TMEM45B: variants seen among roughly 807,000 people sequenced by gnomAD.
TMEM45B encodes transmembrane protein 45B.
In TMEM45B, 29 loss-of-function variants were observed where a neutral mutation model predicts 27.3. The ratio of observed to expected loss-of-function variants is 1.06; its 90% confidence interval spans 0.79 to 1.45. TMEM45B has a LOEUF of 1.45. Ranked by LOEUF, TMEM45B falls within the 40% of genes most tolerant of loss-of-function variation. The pLI is 0.00. For missense variants in TMEM45B, 348 were observed against 343.9 expected, an observed-to-expected ratio of 1.01 and a Z score of -0.09; for synonymous variants, 143 against 134.7, an observed-to-expected ratio of 1.06 and a Z score of -0.43.
chr11:129,837,016 C>T (rs1329231494), intron 1 of TMEM45B, among the ~76,000 whole-genome samples: 1 of 152,186 alleles, frequency 6.6e-6, no homozygotes, highest in South Asian at 2.1e-4. Flanking sequence ...CCGCAATGTG[C>T]AGGACGGCCC....
intron 5 of TMEM45B, 37 bp from the exon 6 acceptor site, chr11:129,858,535 ATC>A: frequency 6.9e-7 from 1 of 1,456,222 alleles, no homozygotes; most frequent in Non-Finnish European, 9.4e-7. Context: ...GATTAAGGGA[ATC>A]TCTGGCTAAT....
chr11:129,832,620 A>G (rs1046936666), intron 1 of TMEM45B, among the ~76,000 whole-genome samples: 20 of 37,038 alleles, frequency 5.4e-4, no homozygotes, highest in Admixed American at 6.5e-4. Context: ...TTAAAATTGA[A>G]TAGTTGTAAT....
At chr11:129,847,771 C>T (rs1420457390) in intron 1 of TMEM45B, among the ~76,000 whole-genome samples, 1 of 152,112 alleles carries the variant, frequency 6.6e-6, no homozygotes, top group Non-Finnish European at 1.5e-5. Context: ...TGAAAAGTCT[C>T]CCATGTCTAC....
chr11:129,850,325 CG>C (rs1947830831), intron 1 of TMEM45B: 1 of 152,032 alleles, frequency 6.6e-6, no homozygotes, highest in African/African-American at 2.4e-5. Context: ...CCACCGCGCC[CG>C]GCTAATTTTT....
chr11:129,851,437 G>T (rs368164388), intron 1 of TMEM45B, among the ~76,000 whole-genome samples: 1 of 148,340 alleles, frequency 6.7e-6, no homozygotes, highest in Non-Finnish European at 1.5e-5. Flanking sequence ...CCAGCTACTC[G>T]GGAGGCTGAG....
Position 129,832,901 on chromosome 11 carries a change from A to T in TMEM45B, c.-9+17003A>T, listed in dbSNP as rs1199992161. ...CTTTGTAGCTTGTTATACACCTGAG[A>T]GTTATTTTTCGTATTGATTTAGTAA... On this transcript the variant is annotated intron_variant, in intron 1 of 5. Coordinates refer to ENST00000281441, the MANE Select transcript of TMEM45B (RefSeq NM_138788.5). Among the ~76,000 whole-genome samples, 3 of 152,272 alleles carry T rather than the reference A, an allele frequency of 2.0e-5. No homozygotes were observed. The East Asian group carries it at 5.8e-4, about 29-fold the overall frequency.
Position 129,857,449 on chromosome 11 carries a change from T to C in TMEM45B, c.707T>C (p.Leu236Pro), listed in dbSNP as rs1440781555. Residue 236 changes from leucine (L) to proline (P), a missense_variant, in exon 5 of 6, where the codon CTT becomes CCT. Coordinates refer to ENST00000281441, the MANE Select transcript of TMEM45B (RefSeq NM_138788.5). ...ALSIVAVNYS[L>P]VYCLLTRMKR... ...AGCATTGTGGCCGTCAACTATTCTC[T>C]TGTTTACTGGTATGTCTGAGACTTC... 1.2e-6 allele frequency: 2 copies of C among 1,614,096 alleles called. No individual in the cohort carries two copies. Among genetic ancestry groups the C allele is most frequent in the Admixed American group, 1.7e-5 (1 of 60,030 alleles).
At chr11:129,836,396 T>G (rs1426952775) in intron 1 of TMEM45B, among the ~76,000 whole-genome samples, 1 of 152,178 alleles carries the variant, frequency 6.6e-6, no homozygotes, top group Non-Finnish European at 1.5e-5. Context: ...TGATCTGGGT[T>G]AAGACTTTTG....
rs543279454 is a variant in TMEM45B, at chr11:129,859,232, C to A, written c.*547C>A. 1 of 152,244 alleles carries A rather than the reference C, an allele frequency of 6.6e-6. No individual in the cohort carries two copies. The highest frequency in any genetic ancestry group is 1.5e-5 in the Non-Finnish European group (1 of 68,052). 9.4% of individuals were successfully genotyped at this position (152,244 alleles called of 1,614,324 possible). Reference sequence around the variant, plus strand: ...ATTTTAAAATTATTGTTAAACATATCATAACTAATCATACCAGGGTACTGC... The same window carrying A: ...ATTTTAAAATTATTGTTAAACATATAATAACTAATCATACCAGGGTACTGC... On this transcript the variant is annotated 3_prime_UTR_variant, in exon 6 of 6. Transcript: ENST00000281441.
At chr11:129,833,756 C>T (rs1947583052) in intron 1 of TMEM45B, among the ~76,000 whole-genome samples, 1 of 152,048 alleles carries the variant, frequency 6.6e-6, no homozygotes, top group South Asian at 2.1e-4. Flanking sequence ...GCCTGGGCAA[C>T]AAGAGCAAAC....
Position 129,856,555 on chromosome 11 carries a change from C to CTTTTT in TMEM45B, c.570+679_570+683dup. Among the ~76,000 whole-genome samples, 30 of 97,922 alleles carry CTTTTT rather than the reference C, an allele frequency of 3.1e-4. 1 individual carries two copies. Among genetic ancestry groups the CTTTTT allele is most frequent in the African/African-American group, 1.2e-3 (28 of 24,246 alleles). The allele number at this position is 97,922 out of a possible 152,430, so 64.2% of individuals were successfully genotyped here. A position where few individuals can be genotyped will look rare whatever the true frequency, so the allele number is the denominator to read the frequency against. ...TATACAACCAAAATTAAGCTGAAGC[C>CTTTTT]TTTTTTTTTTTTTTTTTTTTCTGAG... On this transcript the variant is annotated intron_variant, in intron 4 of 5. Transcript: ENST00000281441.
intron 1 of TMEM45B, among the ~76,000 whole-genome samples, chr11:129,834,264 C>A (rs1799245088): frequency 1.3e-5 from 2 of 151,760 alleles, no homozygotes; most frequent in South Asian, 4.2e-4. Flanking sequence ...AACCCCATCT[C>A]TACTAAAAAT....
intron 1 of TMEM45B, among the ~76,000 whole-genome samples, chr11:129,820,987 C>T (rs1947412829): frequency 6.6e-6 from 1 of 152,100 alleles, no homozygotes; most frequent in Admixed American, 6.5e-5. Context: ...GAGGGTTTCG[C>T]TCCTTTACAC....
intron 1 of TMEM45B, among the ~76,000 whole-genome samples, chr11:129,851,633 CCAA>C (rs1286935962): frequency 6.6e-6 from 1 of 151,636 alleles, no homozygotes; most frequent in African/African-American, 2.4e-5. Context: ...ACAGCAATCA[CCAA>C]CAACTGGTAT....
chr11:129,838,062 G>C (rs866616240), intron 1 of TMEM45B, among the ~76,000 whole-genome samples: 1 of 152,016 alleles, frequency 6.6e-6, no homozygotes, highest in African/African-American at 2.4e-5. Context: ...GATTACAGGC[G>C]TGAGCCACCG....
At chr11:129,846,854 G>A (rs964307023) in intron 1 of TMEM45B, among the ~76,000 whole-genome samples, 3 of 152,194 alleles carry the variant, frequency 2.0e-5, no homozygotes, top group African/African-American at 7.2e-5. Flanking sequence ...CACTGTTCTA[G>A]AAGCCACAGA....
chr11:129,841,584 G>GTTTTTT (rs1192996579), intron 1 of TMEM45B, among the ~76,000 whole-genome samples: 6 of 102,568 alleles, frequency 5.8e-5, no homozygotes, highest in Non-Finnish European at 8.3e-5. Flanking sequence ...GTTTTCTTTT[G>GTTTTTT]TTTTTTTGTT....
intron 1 of TMEM45B, among the ~76,000 whole-genome samples, chr11:129,816,725 GCCA>G (rs1218395470): frequency 3.6e-5 from 5 of 139,866 alleles, no homozygotes; most frequent in Non-Finnish European, 7.6e-5. Context: ...TGCAGAAATG[GCCA>G]CTTCTTTTTT....
intron 1 of TMEM45B, among the ~76,000 whole-genome samples, chr11:129,825,731 G>A (rs901578454): frequency 6.6e-5 from 10 of 152,158 alleles, no homozygotes; most frequent in Non-Finnish European, 1.3e-4. Flanking sequence ...AGTGGATGCT[G>A]AGGGAAGGAA....
Sources: gnomAD v4.1 joint callset for allele counts (sites outside exome capture counted in the v4.1 genomes callset) on GRCh38, gnomAD v4.1.1 for gene constraint, MANE v1.5 for transcripts, NCBI Gene and HGNC (gene_info 2026-07-23, HGNC 2026-07-21) for gene names.